MFSD6: variants seen among roughly 807,000 people sequenced by gnomAD.
The protein encoded by MFSD6 is major facilitator superfamily domain-containing protein 6.
A neutral mutation model predicts 56.3 loss-of-function variants in MFSD6; 26 were observed. That is an observed-to-expected ratio of 0.46 (90% CI 0.34 to 0.64). The LOEUF is 0.64. MFSD6 is among the 30% of genes least tolerant of loss of function. The pLI, the probability that MFSD6 is intolerant of heterozygous loss-of-function variation, is 0.01. For synonymous variants in MFSD6, 331 were observed against 366.9 expected (o/e 0.90, Z 1.12); for missense variants, 750 against 986.2 (o/e 0.76, Z 3.21).
chr2:190,475,463 T>A (rs1163125585), intron 4 of MFSD6, among the ~76,000 whole-genome samples: 1 of 152,172 alleles, frequency 6.6e-6, no homozygotes, highest in Non-Finnish European at 1.5e-5. Context: ...CATTCACAAT[T>A]GCTTCAAAGA....
At position 190,495,216 on chromosome 2, in the gene MFSD6, T is replaced by C. The variant is rs1689602264; in HGVS notation, c.1892-2223T>C. Among the ~76,000 whole-genome samples the C allele has an allele frequency of 6.6e-6, 1 of 152,040 alleles. No homozygotes were observed. Among genetic ancestry groups the C allele is most frequent in the South Asian group, 2.1e-4 (1 of 4,818 alleles). On this transcript the variant is annotated intron_variant, in intron 6 of 7. Coordinates refer to ENST00000392328, the MANE Select transcript of MFSD6 (RefSeq NM_017694.4). The surrounding 1 kb of genome is among the most constrained non-coding windows in gnomAD (Gnocchi z 4.7). ...TGCTGTACACCAACAGTGACCAAGA[T>C]GAGAATCAAATCAAGAACCCAACAC...
rs1430780966 is a variant in MFSD6 at position 190,496,573 on chromosome 2, C to T, written c.1892-866C>T. ...CAATTGCAAAAATGTGGAACCAGCC[C>T]AAATGCCCATCAATCAATGAGTGGA... On this transcript the variant is annotated intron_variant, in intron 6 of 7. Transcript: ENST00000392328. The surrounding 1 kb of genome is among the most constrained non-coding windows in gnomAD (Gnocchi z 4.7). Among the ~76,000 whole-genome samples the T allele has an allele frequency of 6.6e-6, 1 of 152,070 alleles. No homozygotes were observed. The highest frequency in any genetic ancestry group is 6.5e-5 in the Admixed American group (1 of 15,268).
At position 190,488,251 on chromosome 2, in the gene MFSD6, A is replaced by G. The variant is rs1175741890; in HGVS notation, c.1631-406A>G. ...TCAGATACTTGCATACCAGGTTGAT[A>G]GCAGCATTAATCAAAGTAGCAGAAG... On this transcript the variant is annotated intron_variant, in intron 4 of 7. Coordinates refer to ENST00000392328, the MANE Select transcript of MFSD6 (RefSeq NM_017694.4). The surrounding 1 kb of genome is among the most constrained non-coding windows in gnomAD (Gnocchi z 6.4). Among the ~76,000 whole-genome samples, 1 of 152,248 alleles carries G rather than the reference A, an allele frequency of 6.6e-6. No individual in the cohort carries two copies. Among genetic ancestry groups the G allele is most frequent in the South Asian group, 2.1e-4 (1 of 4,836 alleles).
chr2:190,500,509 T>C lies in MFSD6; in HGVS notation c.*291T>C. On this transcript the variant is annotated 3_prime_UTR_variant, in exon 8 of 8. Coordinates refer to ENST00000392328, the MANE Select transcript of MFSD6 (RefSeq NM_017694.4). This position sits in a 1 kb window ranked among gnomAD's most constrained non-coding sequence, Gnocchi z 5.3. The stretch of plus-strand genomic sequence containing the variant: ...AAGGATGATAGAATTTCTCTGCCAG[T>C]GCAGTAAGAGTTGAAACCGGCAGTT... 2.7e-6 allele frequency: 1 copy of C among 365,204 alleles called. No individual in the cohort carries two copies. The highest frequency in any genetic ancestry group is 5.0e-6 in the Non-Finnish European group (1 of 199,758). The allele number at this position is 365,204 out of a possible 1,614,324, so 22.6% of individuals were successfully genotyped here. A position where few individuals can be genotyped will look rare whatever the true frequency, so the allele number is the denominator to read the frequency against.
In MFSD6 at chr2:190,437,114, C is replaced by A. The variant is rs1686203387; in HGVS notation, c.1085C>A (p.Pro362His). 1 of 1,614,224 alleles carries A rather than the reference C, an allele frequency of 6.2e-7. No homozygotes were observed. The highest frequency in any genetic ancestry group is 8.5e-7 in the Non-Finnish European group (1 of 1,180,044). The change falls in exon 3 of 8, where the codon CCC becomes CAC. Residue 362 changes from proline to histidine, a missense_variant. Around this residue, in one of 5 missense-constraint regions of MFSD6, gnomAD observed 376 missense variants for 437.9 expected, o/e 0.86. Coordinates refer to ENST00000392328, the MANE Select transcript of MFSD6 (RefSeq NM_017694.4). The surrounding 1 kb of genome is among the most constrained non-coding windows in gnomAD (Gnocchi z 5.9). ...CTCATCGATGGAAAGGGGTGTAAGC[C>A]CCCCGAGTACAGGAATTACCAGATC... ...EVLIDGKGCK[P>H]PEYRNYQIVF...
In MFSD6 at chr2:190,413,933, C is replaced by T. The variant is rs1690673414; in HGVS notation, c.-175-1359C>T. ...GTCCCTGTGAGTCACGCTGGGAATTCTTAACTGTTCAGGGCACTTTTAGGG... is the reference window on the plus strand; with the variant it reads ...GTCCCTGTGAGTCACGCTGGGAATTTTTAACTGTTCAGGGCACTTTTAGGG... On this transcript the variant is annotated intron_variant, in intron 1 of 7. Transcript: ENST00000392328. This position sits in a 1 kb window ranked among gnomAD's most constrained non-coding sequence, Gnocchi z 4.1. 6.6e-6 allele frequency among the ~76,000 whole-genome samples: 1 copy of T among 152,156 alleles called. No homozygotes were observed. The highest frequency in any genetic ancestry group is 1.5e-5 in the Non-Finnish European group (1 of 68,022).
rs573970340 is a variant in MFSD6 at position 190,434,559 on chromosome 2, C to T, written c.-53-1418C>T. On this transcript the variant is annotated intron_variant, in intron 2 of 7. Coordinates refer to ENST00000392328, the MANE Select transcript of MFSD6 (RefSeq NM_017694.4). The surrounding 1 kb of genome is among the most constrained non-coding windows in gnomAD (Gnocchi z 4.3). ...CGAGCAATTTGCCTGCCTCAGCTTC[C>T]CAAGTAGCTGGGACTACATGCGTGC... Among the ~76,000 whole-genome samples the T allele has an allele frequency of 9.4e-4, 143 of 152,250 alleles. No homozygotes were observed. Among genetic ancestry groups the T allele is most frequent in the Non-Finnish European group, 1.4e-3 (94 of 68,014 alleles).
At chr2:190,450,676 A>C (rs777304979) in intron 3 of MFSD6, among the ~76,000 whole-genome samples, 1 of 151,602 alleles carries the variant, frequency 6.6e-6, no homozygotes, top group Non-Finnish European at 1.5e-5. Context: ...TATTTTTTGT[A>C]GAGACGAGGT....
At chr2:190,449,786 T>G (rs1686709274) in intron 3 of MFSD6, among the ~76,000 whole-genome samples, 1 of 152,014 alleles carries the variant, frequency 6.6e-6, no homozygotes, top group South Asian at 2.1e-4. Flanking sequence ...ACACCGCATA[T>G]TCTCACTCAT....
At chr2:190,452,689 A>G (rs1686824474) in intron 3 of MFSD6, among the ~76,000 whole-genome samples, 1 of 152,136 alleles carries the variant, frequency 6.6e-6, no homozygotes, top group Non-Finnish European at 1.5e-5. Context: ...GCCTGGTATC[A>G]CTTTTTCAAT....
chr2:190,440,986 G>A (rs544302441), intron 3 of MFSD6, among the ~76,000 whole-genome samples: 1 of 152,286 alleles, frequency 6.6e-6, no homozygotes, highest in Admixed American at 6.5e-5. Flanking sequence ...GCACATGATA[G>A]TCTGGTCACT....
chr2:190,445,860 C>A (rs1046770717), intron 3 of MFSD6, among the ~76,000 whole-genome samples: 1 of 149,236 alleles, frequency 6.7e-6, no homozygotes, highest in Admixed American at 6.7e-5. Context: ...AAAAGAAGGT[C>A]ATTTTTTTTC....
chr2:190,499,695 A>G lies in MFSD6; in HGVS notation c.2173-320A>G, dbSNP rs1017178424. 3.1e-6 allele frequency: 3 copies of G among 956,344 alleles called. No homozygotes were observed. Among genetic ancestry groups the G allele is most frequent in the Non-Finnish European group, 4.3e-6 (3 of 696,042 alleles). The allele number at this position is 956,344 out of a possible 1,614,324, so 59.2% of individuals were successfully genotyped here. On this transcript the variant is annotated intron_variant, in intron 7 of 7. Transcript: ENST00000392328. The surrounding 1 kb of genome is among the most constrained non-coding windows in gnomAD (Gnocchi z 6.0). ...TAGTGCTTGCCCAGCGACTTGCCAC[A>G]TGGCTTGGGGGGCTCAGTAAATATT...
intron 2 of MFSD6, among the ~76,000 whole-genome samples, chr2:190,430,848 C>T (rs552977196): frequency 4.1e-5 from 6 of 145,556 alleles, no homozygotes; most frequent in Admixed American, 2.7e-4. Flanking sequence ...CGGGGGCTGA[C>T]CCCCCACCTC....
At chr2:190,474,677 A>G (rs911741292) in intron 4 of MFSD6, among the ~76,000 whole-genome samples, 1 of 152,230 alleles carries the variant, frequency 6.6e-6, no homozygotes, top group African/African-American at 2.4e-5. Context: ...AACTATTCCA[A>G]TCAAGAGAAA....
intron 2 of MFSD6, among the ~76,000 whole-genome samples, chr2:190,428,706 C>T (rs1256392088): frequency 4.0e-5 from 6 of 151,888 alleles, no homozygotes; most frequent in Non-Finnish European, 5.9e-5. Flanking sequence ...CAGAGTTGCA[C>T]TCTTTCACCC....
chr2:190,461,004 C>T lies in MFSD6; in HGVS notation c.1533-8754C>T, dbSNP rs1559124281. ...CTGACACAGAACACCATTTCTTTGT[C>T]CAGGAAGAAAATGATTATGGCAACA... On this transcript the variant is annotated intron_variant, in intron 3 of 7. Transcript: ENST00000392328. This position sits in a 1 kb window ranked among gnomAD's most constrained non-coding sequence, Gnocchi z 5.5. Among the ~76,000 whole-genome samples the T allele has an allele frequency of 6.6e-6, 1 of 152,102 alleles. No homozygotes were observed. The highest frequency in any genetic ancestry group is 1.5e-5 in the Non-Finnish European group (1 of 68,034).
At chr2:190,449,591 A>G (rs1686701001) in intron 3 of MFSD6, among the ~76,000 whole-genome samples, 1 of 152,242 alleles carries the variant, frequency 6.6e-6, no homozygotes, top group African/African-American at 2.4e-5. Context: ...CACTATTCAC[A>G]ATAGCAAAAA....
chr2:190,501,251 G>C lies in MFSD6; in HGVS notation c.*1033G>C, dbSNP rs540810488. On this transcript the variant is annotated 3_prime_UTR_variant, in exon 8 of 8. Transcript: ENST00000392328. ...TTTGTTTTGTTTTTGGTGAGGAAAAGGTGGTAAATAGGAAACCATGAATGG... is the reference window on the plus strand; with the variant it reads ...TTTGTTTTGTTTTTGGTGAGGAAAACGTGGTAAATAGGAAACCATGAATGG... The C allele has an allele frequency of 1.2e-4, 18 of 152,256 alleles. No homozygotes were observed. Among genetic ancestry groups the C allele is most frequent in the African/African-American group, 4.3e-4 (18 of 41,542 alleles). The allele number at this position is 152,256 out of a possible 1,614,324, so 9.4% of individuals were successfully genotyped here.
Sources: gnomAD v4.1 joint callset for allele counts (sites outside exome capture counted in the v4.1 genomes callset) on GRCh38, gnomAD v4.1.1 for gene constraint, gnomAD v4.1.1 regional missense constraint, Gnocchi (gnomAD v3.1) non-coding constraint, MANE v1.5 for transcripts, NCBI Gene and HGNC (gene_info 2026-07-23, HGNC 2026-07-21) for gene names.